LMAN2: variants seen among roughly 807,000 people sequenced by gnomAD.
The protein encoded by LMAN2 is vesicular integral-membrane protein VIP36.
In LMAN2, 22 loss-of-function variants were observed where a neutral mutation model predicts 39.3. The ratio of observed to expected loss-of-function variants is 0.56; its 90% CI spans 0.40 to 0.80. The LOEUF is 0.80. LMAN2 is among the 30% of genes least tolerant of loss of function. The probability of loss-of-function intolerance (pLI) is 0.00; values close to 1 mark genes in which losing one functional copy is unlikely to be tolerated. For missense variants in LMAN2, 494 were observed against 505.4 expected (o/e 0.98, Z 0.22); for synonymous variants, 207 against 207.8 (o/e 1.00, Z 0.03).
intron 6 of LMAN2, among the ~76,000 whole-genome samples, chr5:177,335,326 C>T (rs73330442): frequency 0.016 from 2,463 of 152,308 alleles, 56 homozygotes; most frequent in African/African-American, 0.057. Flanking sequence ...AAAATCCTTT[C>T]AGTTTTCAAA....
intron 2 of LMAN2, among the ~76,000 whole-genome samples, chr5:177,342,136 G>A (rs1272734503): frequency 1.3e-5 from 2 of 151,876 alleles, no homozygotes; most frequent in Admixed American, 6.6e-5. Context: ...AAAACCCAAG[G>A]GCACCTAGGA....
Position 177,337,084 on chromosome 5 carries a change from G to T in LMAN2, c.790+52C>A. ...CAATCAACTGCATGGAAAGCTCCCA[G>T]TCCCTCAGGGTGAGCTGGGCTGGGA... is the stretch of plus-strand genomic sequence containing the variant. On this transcript the variant is annotated intron_variant, in intron 6 of 7. Transcript: ENST00000303127. The surrounding 1 kb of genome is among the most constrained non-coding windows in gnomAD (Gnocchi z 8.2). The T allele has an allele frequency of 1.4e-6, 2 of 1,380,780 alleles. No homozygotes were observed. Among genetic ancestry groups the T allele is most frequent in the Non-Finnish European group, 2.0e-6 (2 of 977,732 alleles). The allele number at this position is 1,380,780 out of a possible 1,614,324, so 85.5% of individuals were successfully genotyped here.
intron 2 of LMAN2, among the ~76,000 whole-genome samples, chr5:177,349,923 C>A (rs1761696383): frequency 6.6e-6 from 1 of 152,102 alleles, no homozygotes; most frequent in African/African-American, 2.4e-5. Flanking sequence ...GAGGCAGTGT[C>A]CCAGACAGAG....
intron 2 of LMAN2, among the ~76,000 whole-genome samples, chr5:177,350,489 C>T (rs1195977858): frequency 6.6e-6 from 1 of 152,208 alleles, no homozygotes; most frequent in Non-Finnish European, 1.5e-5. Flanking sequence ...GTCACAGACA[C>T]TAGAACTGCC....
intron 6 of LMAN2, among the ~76,000 whole-genome samples, chr5:177,336,366 G>A (rs1054644157): frequency 1.3e-5 from 2 of 152,222 alleles, no homozygotes. Context: ...CCCCTGCAGA[G>A]CTCTGCGCAG....
At chr5:177,350,304 G>A (rs544406973) in intron 2 of LMAN2, among the ~76,000 whole-genome samples, 1 of 152,196 alleles carries the variant, frequency 6.6e-6, no homozygotes, top group Admixed American at 6.5e-5. Context: ...GCCATGGGAA[G>A]GGCTGAGATT....
intron 2 of LMAN2, among the ~76,000 whole-genome samples, chr5:177,348,833 G>A (rs1240479648): frequency 6.8e-6 from 1 of 147,784 alleles, no homozygotes; most frequent in East Asian, 2.0e-4. Flanking sequence ...GCAGTGAGCC[G>A]AGACTGCGCC....
intron 2 of LMAN2, among the ~76,000 whole-genome samples, chr5:177,344,854 C>A (rs572270038): frequency 1.1e-4 from 17 of 150,294 alleles, no homozygotes; most frequent in African/African-American, 4.2e-4. Flanking sequence ...TGTGGTGAGC[C>A]GAGATCGCGC....
chr5:177,348,939 T>C (rs1400888933), intron 2 of LMAN2, among the ~76,000 whole-genome samples: 3 of 151,456 alleles, frequency 2.0e-5, no homozygotes. Flanking sequence ...TTCCACTGAA[T>C]GTTTAAAATA....
intron 2 of LMAN2, among the ~76,000 whole-genome samples, chr5:177,347,819 T>C (rs1761657086): frequency 6.6e-6 from 1 of 152,180 alleles, no homozygotes. Context: ...GATGCTGCTC[T>C]ACCAAAACTC....
intron 2 of LMAN2, among the ~76,000 whole-genome samples, chr5:177,342,911 A>T (rs577253538): frequency 6.6e-6 from 1 of 152,252 alleles, no homozygotes; most frequent in African/African-American, 2.4e-5. Context: ...AATAGGAGAA[A>T]ATATTTGCAA....
At position 177,332,859 on chromosome 5, in the gene LMAN2, G is replaced by C. The variant is rs1358001851; in HGVS notation, c.911-613C>G. Among the ~76,000 whole-genome samples, 1 of 152,182 alleles carries C rather than the reference G, an allele frequency of 6.6e-6. No homozygotes were observed. The highest frequency in any genetic ancestry group is 2.4e-5 in the African/African-American group (1 of 41,446). ...ACTTTCCCAAGCTCTCCAGGCTGTG[G>C]GTGGAGGAGCTGGGGTCTGGCTGGG... On this transcript the variant is annotated intron_variant, in intron 7 of 7. Transcript: ENST00000303127. The surrounding 1 kb of genome is among the most constrained non-coding windows in gnomAD (Gnocchi z 6.3).
At chr5:177,338,698 C>A in intron 2 of LMAN2, 93 bp from the exon 3 acceptor site, 1 of 970,036 alleles carries the variant, frequency 1.0e-6, no homozygotes, top group South Asian at 1.3e-5. Context: ...CCACAGACCT[C>A]TCTTCTCTCC....
Position 177,351,636 on chromosome 5 carries a change from TTCCGCCGCC to T in LMAN2, c.3_11del (p.MetAlaAlaGlu1_?4). ...CCCAGCCCCAACGCCAAATCCAGCCTTCCGCCGCCATTCTCCTCTCCTCTCGGCCACTTC... is the reference window on the plus strand; with the variant it reads ...CCCAGCCCCAACGCCAAATCCAGCCTATTCTCCTCTCCTCTCGGCCACTTC... On this transcript the variant is annotated start_lost and inframe_deletion, in exon 1 of 8. Transcript: ENST00000303127. The T allele has an allele frequency of 6.3e-7, 1 of 1,592,374 alleles. No individual in the cohort carries two copies. Among genetic ancestry groups the T allele is most frequent in the East Asian group, 2.2e-5 (1 of 44,678 alleles).
rs748559821 is a variant in LMAN2, at chr5:177,338,527, C to A, written c.394G>T (p.Gly132Cys). Reference protein sequence around the residue: ...GTGKKNLHGDGIALWYTRDRL... With the variant: ...GTGKKNLHGDCIALWYTRDRL... The stretch of plus-strand genomic sequence containing the variant: ...TCCCGGGTGTACCACAAGGCGATGC[C>A]GTCTCCATGGAGGTTCTTCTTCCCT... The change falls in exon 3 of 8, where the codon GGC becomes TGC. Residue 132 changes from glycine (G) to cysteine (C), a missense_variant. Coordinates refer to ENST00000303127, the MANE Select transcript of LMAN2 (RefSeq NM_006816.3). 16 of 1,614,242 alleles carry A rather than the reference C, an allele frequency of 9.9e-6. No individual in the cohort carries two copies. The highest frequency in any genetic ancestry group is 1.4e-5 in the Non-Finnish European group (16 of 1,180,040).
chr5:177,336,942 G>A (rs972976740), intron 6 of LMAN2, 194 bp downstream of exon 6: 16 of 600,990 alleles, frequency 2.7e-5, no homozygotes, highest in East Asian at 2.5e-4. Context: ...AGGAGGAGGA[G>A]GAACACAGCC....
rs761833783 is a variant in LMAN2 at position 177,332,337 on chromosome 5, C to T, written c.911-91G>A. The T allele has an allele frequency of 8.4e-5, 105 of 1,250,906 alleles. No individual in the cohort carries two copies. The highest frequency in any genetic ancestry group is 5.3e-4 in the Middle Eastern group (2 of 3,744). 77.5% of individuals were successfully genotyped at this position (1,250,906 alleles called of 1,614,324 possible). A position where few individuals can be genotyped will look rare whatever the true frequency, so the allele number is the denominator to read the frequency against. On this transcript the variant is annotated intron_variant, in intron 7 of 7. Transcript: ENST00000303127. The surrounding 1 kb of genome is among the most constrained non-coding windows in gnomAD (Gnocchi z 6.3). ...GGCAGTGGGGATGGAACAGGACAGC[C>T]GGCCACGGTGGGCAGGCCGGTCGTA...
At chr5:177,349,718 C>T (rs1188872946) in intron 2 of LMAN2, among the ~76,000 whole-genome samples, 4 of 152,212 alleles carry the variant, frequency 2.6e-5, no homozygotes, top group Non-Finnish European at 4.4e-5. Context: ...AATAATAATG[C>T]TATACTGAAC....
At chr5:177,348,840 C>T (rs1761678053) in intron 2 of LMAN2, among the ~76,000 whole-genome samples, 4 of 148,498 alleles carry the variant, frequency 2.7e-5, no homozygotes, top group African/African-American at 7.5e-5. Context: ...GCCGAGACTG[C>T]GCCACTGCCC....
Sources: gnomAD v4.1 joint callset for allele counts (sites outside exome capture counted in the v4.1 genomes callset) on GRCh38, gnomAD v4.1.1 for gene constraint, Gnocchi (gnomAD v3.1) non-coding constraint, MANE v1.5 for transcripts, NCBI Gene and HGNC (gene_info 2026-07-23, HGNC 2026-07-21) for gene names.